Variants in LMLN observed in about 807,000 individuals in gnomAD.
LMLN encodes leishmanolysin like peptidase.
Under a neutral mutation model 92.3 loss-of-function variants are expected in LMLN, and 70 were observed. The observed-to-expected ratio is 0.76, with a 90% confidence interval of 0.63 to 0.92. The LOEUF is 0.92. LMLN is among the 40% of genes least tolerant of loss of function. The probability of loss-of-function intolerance (pLI) is 0.00; values close to 1 mark genes in which losing one functional copy is unlikely to be tolerated. For missense variants in LMLN, 691 were observed against 814.6 expected (o/e 0.85, Z 1.85); for synonymous variants, 308 against 296.2 (o/e 1.04, Z -0.41).
chr3:197,979,729 AGCCGAGATCAC>A (rs1721504654), intron 5 of LMLN, among the ~76,000 whole-genome samples: 1 of 152,080 alleles, frequency 6.6e-6, no homozygotes, highest in Admixed American at 6.6e-5. Flanking sequence ...GGCAGGAGAG[AGCCGAGATCAC>A]GCCACTGCAT....
exon 13 of LMLN, chr3:198,021,493 T>C: frequency 6.2e-7 from 1 of 1,614,190 alleles, no homozygotes; most frequent in Non-Finnish European, 8.5e-7. Flanking sequence ...TGCCTTATTA[T>C]GGTGGCTCCG....
chr3:197,997,586 C>T (rs1336766788), intron 10 of LMLN, among the ~76,000 whole-genome samples: 1 of 152,328 alleles, frequency 6.6e-6, no homozygotes, highest in East Asian at 1.9e-4. Flanking sequence ...CCGCTGGCTA[C>T]ACCGAGCAGC....
At chr3:197,969,886 G>A (rs1382548366) in intron 1 of LMLN, among the ~76,000 whole-genome samples, 1 of 152,162 alleles carries the variant, frequency 6.6e-6, no homozygotes, top group Admixed American at 6.5e-5. Context: ...GCTCATGCTT[G>A]TAATCCCAGC....
chr3:198,024,252 G>C (rs1581177913), intron 13 of LMLN, among the ~76,000 whole-genome samples: 1 of 129,244 alleles, frequency 7.7e-6, no homozygotes, highest in Non-Finnish European at 1.6e-5. Context: ...GTCTCTCTCT[G>C]TCGCCCAGGC....
At position 198,025,908 on chromosome 3, in the gene LMLN, A is replaced by C. The variant is rs1722918973; in HGVS notation, c.1656+1120A>C. ...CTTTAGAACTGGAAATTTAACTCTT[A>C]TCATTAGTTACTTATCAAATTAACG... On this transcript the variant is annotated intron_variant, in intron 14 of 15. Transcript: ENST00000330198. The surrounding 1 kb of genome is among the most constrained non-coding windows in gnomAD (Gnocchi z 4.3). Among the ~76,000 whole-genome samples, 1 of 152,300 alleles carries C rather than the reference A, an allele frequency of 6.6e-6. No homozygotes were observed. The highest frequency in any genetic ancestry group is 2.4e-5 in the African/African-American group (1 of 41,570).
At chr3:198,012,432 A>G (rs370878084) in intron 11 of LMLN, among the ~76,000 whole-genome samples, 36 of 152,168 alleles carry the variant, frequency 2.4e-4, no homozygotes, top group Non-Finnish European at 3.2e-4. Flanking sequence ...GGGTTCTTCT[A>G]TATCCTTGCT....
At chr3:197,980,420 T>G in exon 6 of LMLN, 1 of 1,610,436 alleles carries the variant, frequency 6.2e-7, no homozygotes. Context: ...GTTCTTTACG[T>G]TGGTGCTCTG....
chr3:198,023,792 A>G (rs1722845457), intron 13 of LMLN, among the ~76,000 whole-genome samples: 1 of 152,206 alleles, frequency 6.6e-6, no homozygotes, highest in Non-Finnish European at 1.5e-5. Flanking sequence ...ATACTGTGAG[A>G]TTAGATCAGC....
chr3:197,990,104 C>T lies in LMLN; in HGVS notation c.930-455C>T, dbSNP rs1378931708. 2.6e-5 allele frequency among the ~76,000 whole-genome samples: 4 copies of T among 151,890 alleles called. No homozygotes were observed. The East Asian group carries it at 7.8e-4, about 29-fold the overall frequency. On this transcript the variant is annotated intron_variant, in intron 8 of 15. Transcript: ENST00000330198. ...TTGAGACAGGGTTTTGCTCTGTCAC[C>T]CAGTCTGGAGTGCAGTGGCACGAAC... is the stretch of plus-strand genomic sequence containing the variant.
chr3:198,014,766 A>G (rs1440689457), intron 11 of LMLN, among the ~76,000 whole-genome samples: 1 of 135,634 alleles, frequency 7.4e-6, no homozygotes, highest in East Asian at 2.2e-4. Context: ...TCCACCCTTC[A>G]GAGCCCCCTA....
chr3:197,999,594 T>C lies in LMLN; in HGVS notation c.1232+252T>C, dbSNP rs1299194759. 4 of 443,200 alleles carry C rather than the reference T, an allele frequency of 9.0e-6. No individual in the cohort carries two copies. In the Admixed American group the frequency reaches 1.1e-4, roughly 12 times the overall value. 27.5% of individuals were successfully genotyped at this position (443,200 alleles called of 1,614,324 possible). A position where few individuals can be genotyped will look rare whatever the true frequency, so the allele number is the denominator to read the frequency against. On this transcript the variant is annotated intron_variant, in intron 11 of 15. Coordinates refer to ENST00000330198, the Ensembl canonical transcript of LMLN. Reference sequence around the variant, plus strand: ...TGCGCAGGCTGGAGTGCAGTGGCAATCTGGACTCACTAATCCTGGACTTCC... The same window carrying C: ...TGCGCAGGCTGGAGTGCAGTGGCAACCTGGACTCACTAATCCTGGACTTCC...
intron 11 of LMLN, chr3:197,999,553 A>G: frequency 3.6e-6 from 2 of 557,970 alleles, no homozygotes. Context: ...GTTTTAAAAT[A>G]GGGTCTCACT....
intron 6 of LMLN, among the ~76,000 whole-genome samples, chr3:197,983,728 A>G (rs1045223875): frequency 6.6e-6 from 1 of 152,182 alleles, no homozygotes; most frequent in Non-Finnish European, 1.5e-5. Flanking sequence ...ATTAAAGTAT[A>G]ATCAAGTATG....
At chr3:197,992,913 A>G (rs1721916398) in intron 9 of LMLN, among the ~76,000 whole-genome samples, 1 of 152,198 alleles carries the variant, frequency 6.6e-6, no homozygotes, top group Non-Finnish European at 1.5e-5. Context: ...GAATTCTATA[A>G]CATGTTAAAT....
intron 11 of LMLN, among the ~76,000 whole-genome samples, chr3:198,008,994 G>C (rs1478475720): frequency 1.3e-5 from 2 of 152,058 alleles, no homozygotes; most frequent in Non-Finnish European, 2.9e-5. Context: ...TGTTGCAAGA[G>C]AGCAGAACAT....
rs960776298 is a variant in LMLN, at chr3:198,033,688, C to T, written c.1657-2145C>T. Among the ~76,000 whole-genome samples, 19 of 152,320 alleles carry T rather than the reference C, an allele frequency of 1.2e-4. 1 individual carries two copies. Among genetic ancestry groups the T allele is most frequent in the Admixed American group, 8.5e-4 (13 of 15,300 alleles). On this transcript the variant is annotated intron_variant, in intron 14 of 15. Transcript: ENST00000330198. ...CAGTGCTGGGATTACAGGCATGAGC[C>T]GCTGTGCCCGGCTGAAAAAAATTTT...
chr3:197,980,751 G>C (rs1581140258), intron 6 of LMLN: 1 of 365,440 alleles, frequency 2.7e-6, no homozygotes, highest in Non-Finnish European at 5.0e-6. Flanking sequence ...TGACTTTTCT[G>C]CCTGCCGTTC....
rs1183412076 is a variant in LMLN, at chr3:198,024,793, G to A, written c.1656+5G>A. 3 of 1,594,410 alleles carry A rather than the reference G, an allele frequency of 1.9e-6. No individual in the cohort carries two copies. The highest frequency in any genetic ancestry group is 2.6e-6 in the Non-Finnish European group (3 of 1,173,674). ...TGGGGAAGCGGATGCTATCAGGTAA[G>A]CTTATGTTTGTTATTAGTTGTGCCA... is the stretch of plus-strand genomic sequence containing the variant. On this transcript the variant is annotated splice_donor_5th_base_variant and intron_variant, in intron 14 of 15. Transcript: ENST00000330198.
At chr3:197,972,236 G>A (rs1410190582) in intron 1 of LMLN, among the ~76,000 whole-genome samples, 1 of 151,818 alleles carries the variant, frequency 6.6e-6, no homozygotes, top group Admixed American at 6.6e-5. Context: ...GCTAATTTTT[G>A]TATTTTTAGT....
Sources: allele counts gnomAD v4.1 joint callset (sites outside exome capture counted in the v4.1 genomes callset), GRCh38; gene constraint gnomAD v4.1.1; non-coding constraint Gnocchi (gnomAD v3.1); transcripts MANE v1.5; gene names NCBI Gene and HGNC (gene_info 2026-07-23, HGNC 2026-07-21).